LGALS9C: variants seen among roughly 807,000 people sequenced by gnomAD.
LGALS9C encodes the protein galectin-9C.
Under a neutral mutation model 41.3 loss-of-function variants are expected in LGALS9C, and 7 were observed. The ratio of observed to expected loss-of-function variants is 0.17; its 90% confidence interval spans 0.10 to 0.32. The LOEUF (loss-of-function observed/expected upper bound fraction) is 0.32. LGALS9C is among the 10% of genes least tolerant of loss of function. LGALS9C has a pLI of 1.00. For synonymous variants in LGALS9C, 44 were observed against 171.0 expected (o/e 0.26, Z 5.80); for missense variants, 102 against 455.2 (o/e 0.22, Z 7.06).
At chr17:18,480,305 C>T (rs1197821666) in intron 1 of LGALS9C, among the ~76,000 whole-genome samples, 1 of 126,238 alleles carries the variant, frequency 7.9e-6, no homozygotes. Flanking sequence ...GACTTTGATC[C>T]TCCTGCTCCC....
chr17:18,482,837 G>A (rs1463632330), intron 1 of LGALS9C, among the ~76,000 whole-genome samples: 1 of 127,544 alleles, frequency 7.8e-6, no homozygotes, highest in Non-Finnish European at 1.9e-5. Context: ...GAACCACACC[G>A]GATATGAGGC....
chr17:18,493,176 A>G (rs1404161127), intron 10 of LGALS9C, among the ~76,000 whole-genome samples: 14 of 120,510 alleles, frequency 1.2e-4, no homozygotes, highest in African/African-American at 3.1e-4. Context: ...TGACTCATTC[A>G]ACGATTTCAC....
chr17:18,482,942 C>A (rs1231216030), intron 1 of LGALS9C, among the ~76,000 whole-genome samples: 2 of 123,872 alleles, frequency 1.6e-5, no homozygotes, highest in Admixed American at 1.6e-4. Context: ...TGAAGCGTCT[C>A]CTCTGTGCCA....
intron 1 of LGALS9C, among the ~76,000 whole-genome samples, chr17:18,479,295 G>T (rs1158358000): frequency 8.5e-5 from 11 of 129,852 alleles, no homozygotes; most frequent in Admixed American, 2.2e-4. Flanking sequence ...TCAGCAGAGG[G>T]ATTGATTTGT....
rs1989938413 is a variant in LGALS9C, at chr17:18,494,486, A to G, written c.*119A>G. On this transcript the variant is annotated 3_prime_UTR_variant, in exon 11 of 11. Transcript: ENST00000328114. ...GCCTGGGATCTGGGCTTTAATGCAG[A>G]GGCCATGTCCTTATCTGGTCCTGCT... 1 of 920,654 alleles carries G rather than the reference A, an allele frequency of 1.1e-6. No individual in the cohort carries two copies. Among genetic ancestry groups the G allele is most frequent in the Non-Finnish European group, 1.6e-6 (1 of 612,026 alleles). The allele number at this position is 920,654 out of a possible 1,614,324, so 57.0% of individuals were successfully genotyped here.
intron 1 of LGALS9C, among the ~76,000 whole-genome samples, chr17:18,479,550 A>G (rs1989321478): frequency 1.6e-5 from 2 of 123,810 alleles, no homozygotes; most frequent in Admixed American, 1.6e-4. Flanking sequence ...CAGGCAGGTC[A>G]AGTGACTTGG....
At chr17:18,480,635 C>T (rs552189290) in intron 1 of LGALS9C, among the ~76,000 whole-genome samples, 9 of 78,076 alleles carry the variant, frequency 1.2e-4, no homozygotes, top group African/African-American at 3.4e-4. Flanking sequence ...TTTTCTTTTC[C>T]GTCTTCTTTT....
chr17:18,487,906 G>C (rs1237694918), intron 4 of LGALS9C, 149 bp downstream of exon 4: 1 of 577,958 alleles, frequency 1.7e-6, no homozygotes, highest in East Asian at 2.8e-5. Context: ...GTACCTGCCC[G>C]CCCCTTCTCC....
At chr17:18,476,986 G>C in intron 1 of LGALS9C, 93 bp downstream of exon 1, 1 of 1,215,642 alleles carries the variant, frequency 8.2e-7, no homozygotes, top group Non-Finnish European at 1.2e-6. Context: ...GCAGGAGATA[G>C]GGGTGGGGGC....
chr17:18,482,942 C>T (rs1231216030), intron 1 of LGALS9C, among the ~76,000 whole-genome samples: 1 of 123,872 alleles, frequency 8.1e-6, no homozygotes, highest in East Asian at 1.9e-4. Context: ...TGAAGCGTCT[C>T]CTCTGTGCCA....
At chr17:18,493,386 G>A (rs1989891787) in intron 10 of LGALS9C, among the ~76,000 whole-genome samples, 1 of 118,382 alleles carries the variant, frequency 8.4e-6, no homozygotes, top group Non-Finnish European at 2.0e-5. Context: ...GAGCCTGGGA[G>A]GGGCAGCTAG....
chr17:18,491,238 G>A (rs1872344), intron 6 of LGALS9C, 35 bp from the exon 7 acceptor site: 571,591 of 1,451,702 alleles, frequency 0.39, 93,433 homozygotes, highest in Middle Eastern at 0.45. Context: ...CTTTACTCAG[G>A]AGAGCCTGGG....
Position 18,481,529 on chromosome 17 carries a change from C to T in LGALS9C, c.40-2346C>T, listed in dbSNP as rs1229336842. Among the ~76,000 whole-genome samples, 2 of 127,554 alleles carry T rather than the reference C, an allele frequency of 1.6e-5. 1 individual carries two copies. The highest frequency in any genetic ancestry group is 5.1e-5 in the African/African-American group (2 of 38,994). 83.7% of individuals were successfully genotyped at this position (127,554 alleles called of 152,430 possible). ...TTCCACAGACGCGTTTCAGGGACAA[C>T]AGGCTTCCCAATCCTAGCCCATGCT... On this transcript the variant is annotated intron_variant, in intron 1 of 10. Coordinates refer to ENST00000328114, the MANE Select transcript of LGALS9C (RefSeq NM_001040078.3).
intron 1 of LGALS9C, among the ~76,000 whole-genome samples, chr17:18,483,380 C>A (rs549959965): frequency 1.0e-4 from 13 of 124,254 alleles, no homozygotes; most frequent in Non-Finnish European, 2.1e-4. Context: ...GTGACCCTCT[C>A]GGTGGAACCT....
chr17:18,484,994 A>C, intron 2 of LGALS9C, among the ~76,000 whole-genome samples: 2 of 124,740 alleles, frequency 1.6e-5, no homozygotes, highest in African/African-American at 2.6e-5. Flanking sequence ...AGGGCTTCCC[A>C]CTCCCATCCT....
At chr17:18,484,098 T>A in intron 2 of LGALS9C, 132 bp downstream of exon 2, 1 of 745,140 alleles carries the variant, frequency 1.3e-6, no homozygotes, top group Non-Finnish European at 2.2e-6. Context: ...ACCCAATGCA[T>A]CCTTAACCCA....
Position 18,488,998 on chromosome 17 carries a change from G to T in LGALS9C, c.502G>T (p.Val168Phe). 1 of 1,502,230 alleles carries T rather than the reference G, an allele frequency of 6.7e-7. No homozygotes were observed. 93.1% of individuals were successfully genotyped at this position (1,502,230 alleles called of 1,614,324 possible). The change falls in exon 5 of 11, where the codon GTC becomes TTC. Residue 168 changes from valine to phenylalanine, a missense_variant. Val to Phe is a conservative substitution (Grantham distance 50). Transcript: ENST00000328114. ...CTCCACGGTGCCGTTCTCCCAGCCT[G>T]TCTGTTTCCCACCCAGGCCCAGGGG... ...AFSTVPFSQPVCFPPRPRGRR... is the reference protein window; with the variant it reads ...AFSTVPFSQPFCFPPRPRGRR...
intron 1 of LGALS9C, among the ~76,000 whole-genome samples, chr17:18,481,274 C>CT (rs1364509377): frequency 1.4e-4 from 16 of 111,262 alleles, no homozygotes; most frequent in African/African-American, 4.2e-4. Flanking sequence ...CCCCCATGAC[C>CT]TGTACTTGGT....
In LGALS9C at chr17:18,479,867, G is replaced by GCTGCCTGC. The variant is rs200825452; in HGVS notation, c.39+2981_39+2988dup. ...TCTTTTGCTTTTCCAGCTTCTAGAGGCTGCCTGCCTGCCTTGGCTTATGAC... is the reference window on the plus strand; with the variant it reads ...TCTTTTGCTTTTCCAGCTTCTAGAGGCTGCCTGCCTGCCTGCCTGCCTTGGCTTATGAC... On this transcript the variant is annotated intron_variant, in intron 1 of 10. Transcript: ENST00000328114. Among the ~76,000 whole-genome samples, 5 of 123,928 alleles carry GCTGCCTGC rather than the reference G, an allele frequency of 4.0e-5. 1 individual carries two copies. In the South Asian group the frequency reaches 7.7e-4, roughly 19 times the overall value. 81.3% of individuals were successfully genotyped at this position (123,928 alleles called of 152,430 possible).
Sources: gnomAD v4.1 joint callset for allele counts (sites outside exome capture counted in the v4.1 genomes callset) on GRCh38, gnomAD v4.1.1 for gene constraint, MANE v1.5 for transcripts, NCBI Gene and HGNC (gene_info 2026-07-23, HGNC 2026-07-21) for gene names.